Variants in ALK observed in about 807,000 individuals in gnomAD.
The protein encoded by ALK is ALK receptor tyrosine kinase.
Under a neutral mutation model 163.1 loss-of-function variants are expected in ALK, and 74 were observed. That is an observed-to-expected ratio of 0.45 (90% CI 0.38 to 0.55). The LOEUF (loss-of-function observed/expected upper bound fraction) is 0.55, where lower values mean the gene tolerates loss of function less well. Ranked by LOEUF, ALK falls within the 20% of genes least tolerant of loss-of-function variation. The pLI, the probability that ALK is intolerant of heterozygous loss-of-function variation, is 0.00. For synonymous variants in ALK, 960 were observed against 843.2 expected (o/e 1.14, Z -2.40); for missense variants, 2,063 against 2,105.3 (o/e 0.98, Z 0.39).
intron 2 of ALK, among the ~76,000 whole-genome samples, chr2:29,705,894 G>T (rs894792720): frequency 1.3e-5 from 2 of 152,190 alleles, no homozygotes; most frequent in African/African-American, 4.8e-5. Context: ...ATAAGAGGGA[G>T]TATATCCAGC....
chr2:29,459,779 C>G (rs1400217093), intron 4 of ALK, among the ~76,000 whole-genome samples: 1 of 152,114 alleles, frequency 6.6e-6, no homozygotes, highest in African/African-American at 2.4e-5. Flanking sequence ...CCAACAATAT[C>G]ACTGAATGTC....
At chr2:29,677,075 T>C (rs1677894978) in intron 3 of ALK, among the ~76,000 whole-genome samples, 1 of 152,074 alleles carries the variant, frequency 6.6e-6, no homozygotes, top group South Asian at 2.1e-4. Context: ...TCTTATCTGC[T>C]AATAAAGGCA....
Position 29,663,803 on chromosome 2 carries a change from T to C in ALK, c.952+31047A>G, listed in dbSNP as rs193191739. Among the ~76,000 whole-genome samples the C allele has an allele frequency of 1.5e-3, 232 of 152,254 alleles. 3 individuals carry two copies. The highest frequency in any genetic ancestry group is 2.7e-3 in the Non-Finnish European group (181 of 68,002). ...ATGCAGGAAAATTATAACTAATAGG[T>C]CTAGTCTGTAACCTATTATGTTTAA... On this transcript the variant is annotated intron_variant, in intron 3 of 28. Transcript: ENST00000389048.
At chr2:29,394,175 T>A (rs952285516) in intron 4 of ALK, among the ~76,000 whole-genome samples, 1 of 152,172 alleles carries the variant, frequency 6.6e-6, no homozygotes, top group Non-Finnish European at 1.5e-5. Flanking sequence ...AGGATCTAAG[T>A]TGATTCCCAA....
At chr2:29,435,110 T>C (rs1670367115) in intron 4 of ALK, among the ~76,000 whole-genome samples, 1 of 152,104 alleles carries the variant, frequency 6.6e-6, no homozygotes, top group Non-Finnish European at 1.5e-5. Context: ...CCATTACCCC[T>C]CCTACCAGTG....
At chr2:29,482,961 C>T (rs1671697861) in intron 4 of ALK, among the ~76,000 whole-genome samples, 1 of 152,178 alleles carries the variant, frequency 6.6e-6, no homozygotes, top group African/African-American at 2.4e-5. Flanking sequence ...TGCCTTGGAT[C>T]TGCCTGCTTT....
intron 19 of ALK, 195 bp from the exon 20 acceptor site, chr2:29,223,723 T>C (rs2148171745): frequency 6.5e-6 from 4 of 610,756 alleles, no homozygotes; most frequent in Non-Finnish European, 1.2e-5. Flanking sequence ...TTAAAGTAAA[T>C]GCAAAGCTAA....
At position 29,213,984 on chromosome 2, in the gene ALK, C is replaced by T. The variant is rs368059424; in HGVS notation, c.3743G>A (p.Arg1248Gln). Reference sequence around the variant, plus strand: ...GAAGAGCACAGTCACTTTGACTCACCGGTGGATGAAGTGGTTTTCCTCCAA... The same window carrying T: ...GAAGAGCACAGTCACTTTGACTCACTGGTGGATGAAGTGGTTTTCCTCCAA... ...QYLEENHFIH[R>Q]DIAARNCLLT... The change falls in exon 24 of 29, where the codon CGA becomes CAA. Residue 1248 changes from arginine to glutamine, a missense_variant and splice_region_variant. Transcript: ENST00000389048. 4.3e-6 allele frequency: 7 copies of T among 1,612,990 alleles called. No homozygotes were observed. Among genetic ancestry groups the T allele is most frequent in the South Asian group, 2.2e-5 (2 of 91,034 alleles).
intron 3 of ALK, among the ~76,000 whole-genome samples, chr2:29,598,957 T>G (rs1486535751): frequency 6.6e-6 from 1 of 152,076 alleles, no homozygotes; most frequent in African/African-American, 2.4e-5. Context: ...TAAAAGTACA[T>G]GTAAAAGGAC....
intron 1 of ALK, among the ~76,000 whole-genome samples, chr2:29,805,649 C>T (rs1664590332): frequency 6.6e-6 from 1 of 152,130 alleles, no homozygotes; most frequent in Non-Finnish European, 1.5e-5. Flanking sequence ...CAGTTCCATC[C>T]ATGTCCCTGC....
intron 4 of ALK, among the ~76,000 whole-genome samples, chr2:29,392,610 C>G (rs1669201627): frequency 6.6e-6 from 1 of 152,172 alleles, no homozygotes; most frequent in African/African-American, 2.4e-5. Flanking sequence ...CCTGGCTGAG[C>G]ATTTTTTCTT....
intron 18 of ALK, among the ~76,000 whole-genome samples, chr2:29,226,410 G>A (rs1448713856): frequency 1.4e-5 from 2 of 147,622 alleles, no homozygotes; most frequent in African/African-American, 5.0e-5. Context: ...CCTGGGAAGC[G>A]GAGGTTGCAG....
intron 2 of ALK, among the ~76,000 whole-genome samples, chr2:29,706,486 C>G (rs781528880): frequency 8.5e-5 from 13 of 152,306 alleles, no homozygotes; most frequent in Admixed American, 2.0e-4. Flanking sequence ...CCATTCACTT[C>G]CTTCCCACCA....
rs2148141788 is a variant in ALK, at chr2:29,196,798, A to G, written c.4136T>C (p.Ile1379Thr). ...GGTGCAGTATTCAATCCTCTCCAAAATGATGGCAAAGTTGGGCCTGTCTTC... is the reference window on the plus strand; with the variant it reads ...GGTGCAGTATTCAATCCTCTCCAAAGTGATGGCAAAGTTGGGCCTGTCTTC... ...QPEDRPNFAI[I>T]LERIEYCTQD... Residue 1379 changes from isoleucine to threonine, a missense_variant, in exon 28 of 29, where the codon ATT (isoleucine) becomes ACT (threonine). This residue lies in a region of ALK where 403 missense variants were observed against 366.2 expected (regional missense o/e 1.10). Coordinates refer to ENST00000389048, the MANE Select transcript of ALK (RefSeq NM_004304.5). 6.2e-7 allele frequency: 1 copy of G among 1,614,158 alleles called. No homozygotes were observed. Among genetic ancestry groups the G allele is most frequent in the East Asian group, 2.2e-5 (1 of 44,890 alleles).
intron 26 of ALK, among the ~76,000 whole-genome samples, chr2:29,206,136 A>C (rs1321652047): frequency 6.6e-6 from 1 of 151,944 alleles, no homozygotes; most frequent in Non-Finnish European, 1.5e-5. Context: ...TTATTCCTTA[A>C]ACAGACCTTT....
chr2:29,622,569 G>T (rs1676066186), intron 3 of ALK, among the ~76,000 whole-genome samples: 1 of 152,042 alleles, frequency 6.6e-6, no homozygotes, highest in Admixed American at 6.5e-5. Flanking sequence ...GATTTGGGTG[G>T]GGACACAGCA....
intron 3 of ALK, among the ~76,000 whole-genome samples, chr2:29,639,917 C>T (rs997287085): frequency 6.6e-6 from 1 of 152,202 alleles, no homozygotes; most frequent in Non-Finnish European, 1.5e-5. Flanking sequence ...CCCAGAGTAA[C>T]AATGCCACCA....
At chr2:29,615,957 G>C (rs1314905654) in intron 3 of ALK, among the ~76,000 whole-genome samples, 1 of 152,242 alleles carries the variant, frequency 6.6e-6, no homozygotes, top group Non-Finnish European at 1.5e-5. Flanking sequence ...ATCTCATTTA[G>C]TGTTTGGCTG....
chr2:29,844,680 T>C (rs1665792698), intron 1 of ALK, among the ~76,000 whole-genome samples: 1 of 152,120 alleles, frequency 6.6e-6, no homozygotes, highest in Non-Finnish European at 1.5e-5. Flanking sequence ...ACTACGTCAC[T>C]TCCATTTCTA....
Sources: allele counts gnomAD v4.1 joint callset (sites outside exome capture counted in the v4.1 genomes callset), GRCh38; gene constraint gnomAD v4.1.1; regional missense constraint gnomAD v4.1.1; transcripts MANE v1.5; gene names NCBI Gene and HGNC (gene_info 2026-07-23, HGNC 2026-07-21).